Variants in DMD observed in about 807,000 individuals in gnomAD.
The protein encoded by DMD is dystrophin, also known as mutant dystrophin.
Under a neutral mutation model 330.1 loss-of-function variants are expected in DMD, and 63 were observed. The ratio of observed to expected loss-of-function variants is 0.19; its 90% CI spans 0.16 to 0.24. The LOEUF is 0.24. Ranked by LOEUF, DMD falls within the 10% of genes least tolerant of loss-of-function variation. The pLI is 1.00. For synonymous variants in DMD, 1,223 were observed against 959.8 expected, an observed-to-expected ratio of 1.27 and a Z score of -5.07; for missense variants, 3,344 against 2,684.1, an observed-to-expected ratio of 1.25 and a Z score of -5.43.
At chrX:32,807,858 C>A (rs1485316352) in intron 7 of DMD, among the ~76,000 whole-genome samples, 1 of 111,795 alleles carries the variant, frequency 8.9e-6, no homozygotes, top group Non-Finnish European at 1.9e-5. Context: ...TTTAAATCTT[C>A]TCTTACTGTT....
intron 17 of DMD, among the ~76,000 whole-genome samples, chrX:32,521,500 T>C (rs1218142713): frequency 8.9e-6 from 1 of 112,235 alleles, no homozygotes; most frequent in Non-Finnish European, 1.9e-5. Flanking sequence ...TCTTCTACTC[T>C]ACTATCTCTC....
intron 44 of DMD, among the ~76,000 whole-genome samples, chrX:32,105,594 A>C (rs980835094): frequency 8.9e-6 from 1 of 111,967 alleles, no homozygotes; most frequent in East Asian, 2.8e-4. Context: ...TTTAAACAAA[A>C]ACGTGAGTTT....
At chrX:31,749,638 T>C (rs2088286044) in intron 51 of DMD, among the ~76,000 whole-genome samples, 1 of 109,277 alleles carries the variant, frequency 9.2e-6, no homozygotes, top group Non-Finnish European at 1.9e-5. Context: ...GCATGATTTA[T>C]AGTCCTTTGG....
At chrX:32,329,593 A>G (rs2097668853) in intron 41 of DMD, among the ~76,000 whole-genome samples, 2 of 112,303 alleles carry the variant, frequency 1.8e-5, no homozygotes, top group African/African-American at 6.5e-5. Flanking sequence ...ATAGTGACCG[A>G]TATTATTCAT....
chrX:32,086,722 C>G (rs1162413752), intron 44 of DMD, among the ~76,000 whole-genome samples: 2 of 111,548 alleles, frequency 1.8e-5, no homozygotes, highest in African/African-American at 3.3e-5. Flanking sequence ...TCTTATTTGT[C>G]TGTGTCAACA....
At chrX:32,648,576 G>A (rs977220323) in intron 9 of DMD, among the ~76,000 whole-genome samples, 4 of 111,613 alleles carry the variant, frequency 3.6e-5, no homozygotes, top group African/African-American at 1.3e-4. Context: ...TATGTTCTAA[G>A]GTGAGATTAA....
intron 29 of DMD, among the ~76,000 whole-genome samples, chrX:32,416,801 T>C (rs16990335): frequency 0.15 from 16,660 of 111,256 alleles, 993 homozygotes; most frequent in African/African-American, 0.21. Context: ...TTAATCTCCA[T>C]TTGACAACCA....
chrX:32,794,315 C>T (rs779737988), intron 7 of DMD, among the ~76,000 whole-genome samples: 16 of 112,095 alleles, frequency 1.4e-4, no homozygotes, highest in African/African-American at 4.9e-4. Flanking sequence ...AATGGTCAGG[C>T]GTGGTGGCTC....
intron 30 of DMD, among the ~76,000 whole-genome samples, chrX:32,408,874 AT>A (rs2098129998): frequency 1.0e-5 from 1 of 98,923 alleles, no homozygotes; most frequent in Non-Finnish European, 2.0e-5. Context: ...TCATCTATCT[AT>A]CTATCTATCT....
intron 2 of DMD, among the ~76,000 whole-genome samples, chrX:32,968,938 G>A (rs2092271838): frequency 1.1e-5 from 1 of 95,196 alleles, no homozygotes; most frequent in Non-Finnish European, 2.0e-5. Context: ...CTGAGGCAGA[G>A]AATTGCTTGA....
intron 1 of DMD, among the ~76,000 whole-genome samples, chrX:33,059,706 A>C (rs1182043201): frequency 8.9e-6 from 1 of 111,784 alleles, no homozygotes; most frequent in East Asian, 2.8e-4. Flanking sequence ...TCACAAATAA[A>C]AGCAATGAAT....
In DMD at chrX:32,358,562, C is replaced by T. The variant is rs781253252; in HGVS notation, c.5325+4226G>A. 1.4e-4 allele frequency among the ~76,000 whole-genome samples: 16 copies of T among 111,989 alleles called. No individual in the cohort carries two copies. In the South Asian group the frequency reaches 5.6e-3, roughly 39 times the overall value. On this transcript the variant is annotated intron_variant, in intron 37 of 78. Coordinates refer to ENST00000357033, the MANE Select transcript of DMD (RefSeq NM_004006.3). ...GCTTTTTTCAAAGTCATTGGATACT[C>T]TTAGGTAACCTTAATAAAATGGGAA...
chrX:32,268,961 G>A (rs772904108), intron 43 of DMD, among the ~76,000 whole-genome samples: 2 of 107,814 alleles, frequency 1.9e-5, no homozygotes, highest in African/African-American at 3.4e-5. Context: ...GGTCAGTCAG[G>A]TGGTTATTAA....
intron 18 of DMD, among the ~76,000 whole-genome samples, chrX:32,503,232 A>T (rs1364082662): frequency 9.0e-6 from 1 of 111,224 alleles, no homozygotes; most frequent in African/African-American, 3.3e-5. Context: ...AAACAATTTT[A>T]AAAAATTAGT....
chrX:32,334,071 A>G (rs1275990477), intron 41 of DMD, among the ~76,000 whole-genome samples: 2 of 111,897 alleles, frequency 1.8e-5, no homozygotes, highest in African/African-American at 3.2e-5. Flanking sequence ...CTTAACCATT[A>G]AACTGATTAT....
chrX:32,467,472 A>C (rs1243290875), intron 23 of DMD, among the ~76,000 whole-genome samples: 1 of 110,805 alleles, frequency 9.0e-6, no homozygotes, highest in Admixed American at 9.7e-5. Context: ...TGATGTGGTA[A>C]AATTTAAGCA....
At chrX:32,879,018 C>CAAACAAAAAAAAAAAAAA (rs2083633200) in intron 2 of DMD, among the ~76,000 whole-genome samples, 2 of 95,332 alleles carry the variant, frequency 2.1e-5, no homozygotes, top group African/African-American at 7.8e-5. Context: ...AAAAAAAAAA[C>CAAACAAAAAAAAAAAAAA]AAAAAACAAA....
At chrX:32,987,971 A>C (rs752684066) in intron 2 of DMD, among the ~76,000 whole-genome samples, 1 of 109,323 alleles carries the variant, frequency 9.1e-6, no homozygotes, top group East Asian at 2.9e-4. Context: ...AAAATCATAT[A>C]TACATATATA....
intron 1 of DMD, among the ~76,000 whole-genome samples, chrX:33,287,477 T>C (rs1307948974): frequency 9.0e-6 from 1 of 111,154 alleles, no homozygotes; most frequent in Non-Finnish European, 1.9e-5. Flanking sequence ...AATACACTCT[T>C]TTTAGCTGCT....
Sources: gnomAD v4.1 joint callset for allele counts (sites outside exome capture counted in the v4.1 genomes callset) on GRCh38, gnomAD v4.1.1 for gene constraint, MANE v1.5 for transcripts, NCBI Gene and HGNC (gene_info 2026-07-23, HGNC 2026-07-21) for gene names.